The following CECR2 variants were observed in gnomAD, a reference collection of about 807,000 sequenced individuals.
The protein encoded by CECR2 is chromatin remodeling regulator CECR2.
CECR2 carries 30 observed loss-of-function variants against 154.5 expected under a neutral mutation model. That is an observed-to-expected ratio of 0.19 (90% CI 0.15 to 0.26). The LOEUF is 0.26. Among genes scored for constraint, CECR2 ranks in the 10% least tolerant of loss-of-function variants. CECR2 has a pLI of 1.00. For missense variants in CECR2, 1,743 were observed against 1,829.3 expected (o/e 0.95, Z 0.86); for synonymous variants, 725 against 683.7 (o/e 1.06, Z -0.94).
chr22:17,399,647 A>C (rs186469173), intron 1 of CECR2, among the ~76,000 whole-genome samples: 1 of 152,086 alleles, frequency 6.6e-6, no homozygotes, highest in African/African-American at 2.4e-5. Flanking sequence ...TGATCTCATG[A>C]TCTGCCTGCC....
intron 8 of CECR2, among the ~76,000 whole-genome samples, chr22:17,519,405 G>A (rs1444467691): frequency 2.0e-5 from 3 of 150,618 alleles, no homozygotes; most frequent in Non-Finnish European, 3.0e-5. Context: ...GACTACAGGC[G>A]CCCGCCACCA....
chr22:17,495,268 G>A (rs1191536366), intron 2 of CECR2, among the ~76,000 whole-genome samples: 1 of 152,116 alleles, frequency 6.6e-6, no homozygotes, highest in Non-Finnish European at 1.5e-5. Flanking sequence ...GGCATATTTA[G>A]GTACTAATCA....
At position 17,552,089 on chromosome 22, in the gene CECR2, A is replaced by G. The variant is rs750813328; in HGVS notation, c.4336A>G (p.Thr1446Ala). The change falls in exon 18 of 19, where the codon ACA becomes GCA. Residue 1446 changes from threonine (T) to alanine (A), a missense_variant. By Grantham distance (58) the Thr-to-Ala change is moderately conservative. Around this residue, in one of 4 missense-constraint regions of CECR2, gnomAD observed 1,250 missense variants for 1,192.1 expected, o/e 1.05. Transcript: ENST00000262608. ...GTTCCCAAAGACCCCCACAGCAGCA[A>G]CATCACAGGAGGAGGTGCCGCCTCA... The part of the protein sequence containing the change: ...ASFPKTPTAA[T>A]SQEEVPPHKP... The G allele has an allele frequency of 7.4e-6, 12 of 1,613,990 alleles. No homozygotes were observed. The highest frequency in any genetic ancestry group is 1.3e-5 in the African/African-American group (1 of 75,044).
chr22:17,495,343 C>T lies in CECR2; in HGVS notation c.222-2060C>T, dbSNP rs549459606. The stretch of plus-strand genomic sequence containing the variant: ...CAGCACTCTGGGAGGCTAAGGCAAG[C>T]GGATCACCTGAGGTCAGGAGTTCAA... On this transcript the variant is annotated intron_variant, in intron 2 of 18. Transcript: ENST00000262608. 2.2e-4 allele frequency among the ~76,000 whole-genome samples: 33 copies of T among 151,802 alleles called. 1 individual carries two copies. The South Asian group carries it at 6.1e-3, about 28-fold the overall frequency.
At chr22:17,429,836 C>A (rs115559693) in intron 1 of CECR2, among the ~76,000 whole-genome samples, 1,718 of 152,244 alleles carry the variant, frequency 0.011, 30 homozygotes, top group African/African-American at 0.038. Flanking sequence ...TGTTTTCATT[C>A]ATGGTCAGAG....
At chr22:17,516,293 A>T (rs2056054042) in intron 8 of CECR2, among the ~76,000 whole-genome samples, 1 of 151,828 alleles carries the variant, frequency 6.6e-6, no homozygotes. Flanking sequence ...TTATATGTGT[A>T]TACATTTTAT....
At chr22:17,477,440 GC>G (rs2055227917) in intron 1 of CECR2, 147 bp from the exon 2 acceptor site, 1 of 630,830 alleles carries the variant, frequency 1.6e-6, no homozygotes, top group Non-Finnish European at 2.8e-6. Flanking sequence ...TCTCACAGTA[GC>G]CAGAAGGAAG....
intron 1 of CECR2, among the ~76,000 whole-genome samples, chr22:17,452,489 T>C (rs573750513): frequency 2.0e-5 from 3 of 151,988 alleles, no homozygotes; most frequent in African/African-American, 7.2e-5. Flanking sequence ...GTAGTGGAGG[T>C]AGAGGTAGTG....
chr22:17,364,606 G>C (rs1462638581), upstream of CECR2, among the ~76,000 whole-genome samples: 1 of 152,070 alleles, frequency 6.6e-6, no homozygotes, highest in East Asian at 1.9e-4. Flanking sequence ...AGCACTTTGG[G>C]AGGCCGAGGT....
At chr22:17,511,285 C>G (rs578121486) in intron 7 of CECR2, among the ~76,000 whole-genome samples, 81 of 152,278 alleles carry the variant, frequency 5.3e-4, no homozygotes, top group African/African-American at 1.9e-3. Flanking sequence ...GACTGCTTTC[C>G]AGCCTGGTGC....
chr22:17,470,935 A>G (rs976187257), intron 1 of CECR2, among the ~76,000 whole-genome samples: 1 of 152,142 alleles, frequency 6.6e-6, no homozygotes, highest in Non-Finnish European at 1.5e-5. Flanking sequence ...ACAATTTCCA[A>G]CTAATTCAGC....
Position 17,444,459 on chromosome 22 carries a change from T to C in CECR2, c.127-33129T>C, listed in dbSNP as rs982217121. 2.4e-4 allele frequency among the ~76,000 whole-genome samples: 37 copies of C among 152,094 alleles called. 1 individual carries two copies. Among genetic ancestry groups the C allele is most frequent in the African/African-American group, 8.7e-4 (36 of 41,392 alleles). Reference sequence around the variant, plus strand: ...CTGGCTAACATGGCAAAACCCCATTTCTACTAAAGATACACAATATTAGGC... The same window carrying C: ...CTGGCTAACATGGCAAAACCCCATTCCTACTAAAGATACACAATATTAGGC... On this transcript the variant is annotated intron_variant, in intron 1 of 18. Coordinates refer to ENST00000262608, the MANE Select transcript of CECR2 (RefSeq NM_001290047.2).
rs543873622 is a variant in CECR2 at position 17,506,295 on chromosome 22, C to G, written c.870+1279C>G. On this transcript the variant is annotated intron_variant, in intron 7 of 18. Transcript: ENST00000262608. ...GCACATGCCACCACGCCTGGCTAAT[C>G]TTTTAATTTTATCTGTGCGTAGGGT... Among the ~76,000 whole-genome samples, 12 of 151,676 alleles carry G rather than the reference C, an allele frequency of 7.9e-5. No homozygotes were observed. The South Asian group carries it at 2.1e-3, about 26-fold the overall frequency.
At chr22:17,448,220 A>G (rs2054708454) in intron 1 of CECR2, among the ~76,000 whole-genome samples, 1 of 152,196 alleles carries the variant, frequency 6.6e-6, no homozygotes, top group African/African-American at 2.4e-5. Context: ...TGTGTGTACT[A>G]CACATCCATG....
intron 1 of CECR2, among the ~76,000 whole-genome samples, chr22:17,464,015 G>C (rs1429735527): frequency 6.6e-6 from 1 of 152,206 alleles, no homozygotes; most frequent in Non-Finnish European, 1.5e-5. Flanking sequence ...CAACTTAAAT[G>C]CTGCTTTTAA....
At chr22:17,474,222 A>G (rs906364047) in intron 1 of CECR2, among the ~76,000 whole-genome samples, 4 of 152,048 alleles carry the variant, frequency 2.6e-5, no homozygotes, top group African/African-American at 9.7e-5. Flanking sequence ...TGGACCTGCA[A>G]ATTTTTGGGT....
At position 17,362,326 on chromosome 22, in the gene CECR2, G is replaced by T. The variant is rs141804204; in HGVS notation, c.-364+2303G>T. Among the ~76,000 whole-genome samples, 27 of 152,302 alleles carry T rather than the reference G, an allele frequency of 1.8e-4. No homozygotes were observed. In the East Asian group the frequency reaches 5.2e-3, roughly 29 times the overall value. On this transcript the variant is annotated intron_variant, in intron 1 of 18. Transcript: ENST00000400585. Reference sequence around the variant, plus strand: ...CCGAAAGTGCTAGGATTACAGGCATGAGCCACCATGTCCAGCCCCAAGAAT... The same window carrying T: ...CCGAAAGTGCTAGGATTACAGGCATTAGCCACCATGTCCAGCCCCAAGAAT...
intron 15 of CECR2, 36 bp downstream of exon 15, chr22:17,542,003 G>C: frequency 6.3e-7 from 1 of 1,597,976 alleles, no homozygotes. Flanking sequence ...GGTGCAGGGG[G>C]TCCCACAGGT....
intron 8 of CECR2, among the ~76,000 whole-genome samples, chr22:17,521,833 A>G (rs753773659): frequency 5.3e-5 from 8 of 152,180 alleles, no homozygotes; most frequent in African/African-American, 1.9e-4. Flanking sequence ...GCCCATGCCT[A>G]TGTCCTGAAT....
Sources: gnomAD v4.1 joint callset for allele counts (sites outside exome capture counted in the v4.1 genomes callset) on GRCh38, gnomAD v4.1.1 for gene constraint, gnomAD v4.1.1 regional missense constraint, MANE v1.5 for transcripts, NCBI Gene and HGNC (gene_info 2026-07-23, HGNC 2026-07-21) for gene names.